Variants in SPHKAP observed in about 807,000 individuals in gnomAD.
SPHKAP encodes the protein SPHK1 interactor, AKAP domain containing, also known as A-kinase anchor protein SPHKAP.
SPHKAP carries 67 observed loss-of-function variants against 137.5 expected under a neutral mutation model. The observed-to-expected ratio is 0.49, with a 90% CI of 0.40 to 0.60. The LOEUF (loss-of-function observed/expected upper bound fraction) is 0.60. Among genes scored for constraint, SPHKAP ranks in the 20% least tolerant of loss-of-function variants. The pLI is 0.00. For synonymous variants in SPHKAP, 813 were observed against 785.3 expected (o/e 1.04, Z -0.59); for missense variants, 2,097 against 2,069.3 (o/e 1.01, Z -0.26).
intron 1 of SPHKAP, among the ~76,000 whole-genome samples, chr2:228,133,453 A>C (rs1349255992): frequency 6.6e-6 from 1 of 152,234 alleles, no homozygotes; most frequent in Non-Finnish European, 1.5e-5. Context: ...AATATAAAAA[A>C]TTATCTAAAT....
At chr2:228,055,858 C>T (rs73096639) in intron 3 of SPHKAP, among the ~76,000 whole-genome samples, 2,742 of 152,312 alleles carry the variant, frequency 0.018, 83 homozygotes, top group African/African-American at 0.061. Flanking sequence ...CCAGATTGCT[C>T]CTCCAGTTTC....
chr2:228,078,756 C>T (rs1243009193), intron 3 of SPHKAP, among the ~76,000 whole-genome samples: 2 of 152,174 alleles, frequency 1.3e-5, no homozygotes, highest in Non-Finnish European at 1.5e-5. Context: ...ACATTACTCA[C>T]ATCACCCAAC....
In SPHKAP at chr2:228,181,570, G is replaced by A. The variant is rs755019573; in HGVS notation, c.29C>T (p.Pro10Leu). 2 of 1,614,092 alleles carry A rather than the reference G, an allele frequency of 1.2e-6. No homozygotes were observed. The highest frequency in any genetic ancestry group is 1.7e-6 in the Non-Finnish European group (2 of 1,180,034). Residue 10 changes from proline to leucine, a missense_variant, in exon 1 of 12, where the codon CCA (proline) becomes CTA (leucine). Coordinates refer to ENST00000392056, the MANE Select transcript of SPHKAP (RefSeq NM_001142644.2). This position sits in a 1 kb window ranked among gnomAD's most constrained non-coding sequence, Gnocchi z 4.3. ...CATAGAAAGAAGCGGGTCTTACCTTGGTACCGAGAGCAGGGAGTTGCCATC... is the reference window on the plus strand; with the variant it reads ...CATAGAAAGAAGCGGGTCTTACCTTAGTACCGAGAGCAGGGAGTTGCCATC... The part of the protein sequence containing the change: MDGNSLLSV[P>L]SNLESSRMYD...
At chr2:228,145,095 T>C (rs1699736517) in intron 1 of SPHKAP, among the ~76,000 whole-genome samples, 1 of 152,182 alleles carries the variant, frequency 6.6e-6, no homozygotes, top group African/African-American at 2.4e-5. Context: ...GACAATCCTA[T>C]GGAGCACTTC....
At chr2:228,061,764 C>T (rs1051439718) in intron 3 of SPHKAP, among the ~76,000 whole-genome samples, 5 of 151,868 alleles carry the variant, frequency 3.3e-5, no homozygotes, top group African/African-American at 1.2e-4. Flanking sequence ...CATACACACA[C>T]ATATGTATAT....
At chr2:228,153,251 C>T (rs1008193708) in intron 1 of SPHKAP, among the ~76,000 whole-genome samples, 1 of 152,072 alleles carries the variant, frequency 6.6e-6, no homozygotes, top group Non-Finnish European at 1.5e-5. Flanking sequence ...TATTTTTGAC[C>T]CCACAGGTTA....
At chr2:228,084,524 G>T (rs1403580170) in intron 3 of SPHKAP, among the ~76,000 whole-genome samples, 1 of 152,128 alleles carries the variant, frequency 6.6e-6, no homozygotes, top group Non-Finnish European at 1.5e-5. Context: ...TCAAACAAAT[G>T]ATGTGATGTA....
intron 3 of SPHKAP, 132 bp from the exon 4 acceptor site, chr2:228,027,675 T>C (rs1190117959): frequency 4.3e-6 from 4 of 929,302 alleles, no homozygotes; most frequent in East Asian, 5.2e-5. Flanking sequence ...GGCATAGAAA[T>C]AGTCATTTCA....
Position 228,021,976 on chromosome 2 carries a change from G to T in SPHKAP, c.442-10C>A, listed in dbSNP as rs367720369. 17 of 1,572,104 alleles carry T rather than the reference G, an allele frequency of 1.1e-5. No individual in the cohort carries two copies. The African/African-American group carries it at 2.0e-4, about 19-fold the overall frequency. ...CTGGCAGCCAAGGGCACTAAAAGTG[G>T]AGAGAAAAGAAGGCATTTATTCAAA... On this transcript the variant is annotated splice_polypyrimidine_tract_variant and intron_variant, in intron 5 of 11. Transcript: ENST00000392056.
chr2:228,092,250 TATGTGTGTATACGTACAC>T (rs1697784923), intron 3 of SPHKAP, among the ~76,000 whole-genome samples: 2 of 143,730 alleles, frequency 1.4e-5, no homozygotes, highest in African/African-American at 5.4e-5. Flanking sequence ...CACACGTGTA[TATGTGTGTATACGTACAC>T]ACACACGTGT....
chr2:228,053,363 T>A (rs191691233), intron 3 of SPHKAP, among the ~76,000 whole-genome samples: 1 of 152,322 alleles, frequency 6.6e-6, no homozygotes, highest in African/African-American at 2.4e-5. Context: ...AGCATATTAA[T>A]TTCACAGGAA....
intron 1 of SPHKAP, among the ~76,000 whole-genome samples, chr2:228,141,909 A>C (rs1382922975): frequency 6.6e-6 from 1 of 152,166 alleles, no homozygotes; most frequent in Non-Finnish European, 1.5e-5. Context: ...TATAATAACT[A>C]TTTGTATTTA....
intron 11 of SPHKAP, among the ~76,000 whole-genome samples, chr2:227,982,556 T>C (rs1693040658): frequency 1.3e-5 from 2 of 152,150 alleles, no homozygotes; most frequent in South Asian, 4.1e-4. Context: ...TATAAGTCAT[T>C]CTCTTCATGG....
chr2:228,042,582 T>C (rs1321490618), intron 3 of SPHKAP, among the ~76,000 whole-genome samples: 1 of 152,128 alleles, frequency 6.6e-6, no homozygotes, highest in Non-Finnish European at 1.5e-5. Context: ...GTTCTGGAAA[T>C]TTAATATAAA....
chr2:228,045,685 A>G (rs1696018859), intron 3 of SPHKAP, among the ~76,000 whole-genome samples: 2 of 152,076 alleles, frequency 1.3e-5, no homozygotes, highest in South Asian at 4.2e-4. Flanking sequence ...CCAGCATGGC[A>G]CATATATACA....
At chr2:228,051,579 G>T (rs780372480) in intron 3 of SPHKAP, among the ~76,000 whole-genome samples, 2 of 152,170 alleles carry the variant, frequency 1.3e-5, no homozygotes, top group Admixed American at 6.6e-5. Context: ...CCTAGCCTAG[G>T]TAAGCTGCTC....
At chr2:227,997,223 AATCACTATTTAACAAACAAAACT>A (rs1399270895) in intron 7 of SPHKAP, among the ~76,000 whole-genome samples, 1 of 152,158 alleles carries the variant, frequency 6.6e-6, no homozygotes, top group Non-Finnish European at 1.5e-5. Flanking sequence ...CCTCAACCCT[AATCACTATTTAACAAACAAAACT>A]ATCTACTGTT....
At chr2:228,051,945 C>T (rs888132559) in intron 3 of SPHKAP, among the ~76,000 whole-genome samples, 1 of 152,032 alleles carries the variant, frequency 6.6e-6, no homozygotes, top group African/African-American at 2.4e-5. Context: ...CCCCCAAACG[C>T]CCCACCTTCT....
intron 3 of SPHKAP, among the ~76,000 whole-genome samples, chr2:228,099,142 T>G (rs1356643937): frequency 1.3e-5 from 2 of 152,216 alleles, no homozygotes; most frequent in East Asian, 3.8e-4. Context: ...CTAGGTTTTC[T>G]TCTAGGATGT....
Sources: gnomAD v4.1 joint callset for allele counts (sites outside exome capture counted in the v4.1 genomes callset) on GRCh38, gnomAD v4.1.1 for gene constraint, Gnocchi (gnomAD v3.1) non-coding constraint, MANE v1.5 for transcripts, NCBI Gene and HGNC (gene_info 2026-07-23, HGNC 2026-07-21) for gene names.